KCNA2: variants seen among roughly 807,000 people sequenced by gnomAD.
The protein encoded by KCNA2 is potassium channel, voltage gated shaker related subfamily A, member 2.
KCNA2 carries 11 observed loss-of-function variants against 33.4 expected under a neutral mutation model. That is an observed-to-expected ratio of 0.33 (90% confidence interval 0.21 to 0.55). The LOEUF (loss-of-function observed/expected upper bound fraction) is 0.55, where lower values mean the gene tolerates loss of function less well. KCNA2 is among the 20% of genes least tolerant of loss of function. KCNA2 has a pLI of 0.93. For missense variants in KCNA2, 291 were observed against 621.6 expected (o/e 0.47, Z 5.66); for synonymous variants, 222 against 231.3 (o/e 0.96, Z 0.37).
In KCNA2 at chr1:110,600,630, C is replaced by A. The variant is rs556284224; in HGVS notation, c.*2653G>T. The A allele has an allele frequency of 1.7e-5, 17 of 985,208 alleles. No individual in the cohort carries two copies. Among genetic ancestry groups the A allele is most frequent in the Middle Eastern group, 5.2e-4 (1 of 1,936 alleles). 61.0% of individuals were successfully genotyped at this position (985,208 alleles called of 1,614,324 possible). A position where few individuals can be genotyped will look rare whatever the true frequency, so the allele number is the denominator to read the frequency against. ...TGACTGTATGTGAACATTTTAGAGT[C>A]CTGGGCCAAGGACACTGTGATAAGA... On this transcript the variant is annotated 3_prime_UTR_variant, in exon 3 of 3. Coordinates refer to ENST00000316361, the MANE Select transcript of KCNA2 (RefSeq NM_004974.4).
At chr1:110,609,923 T>C (rs939415632), upstream of KCNA2, among the ~76,000 whole-genome samples, 2 of 152,180 alleles carry the variant, frequency 1.3e-5, no homozygotes, top group African/African-American at 4.8e-5. Context: ...CGTTTCCTAG[T>C]TGGTCGAATG....
At chr1:110,610,766 C>T (rs1285195366), upstream of KCNA2, among the ~76,000 whole-genome samples, 1 of 152,144 alleles carries the variant, frequency 6.6e-6, no homozygotes. Context: ...CACAGGCAAT[C>T]TGGTTTAGAA....
chr1:110,619,221 T>C (rs1254076213), intron 1 of KCNA2, among the ~76,000 whole-genome samples: 1 of 151,992 alleles, frequency 6.6e-6, no homozygotes, highest in Non-Finnish European at 1.5e-5. Context: ...GCTCATGACT[T>C]GCTCTGCTTA....
rs767304308 is a variant in KCNA2, at chr1:110,604,498, C to T, written c.285G>A (p.Gly95=). The T allele has an allele frequency of 1.5e-5, 24 of 1,614,092 alleles. No homozygotes were observed. The East Asian group carries it at 2.0e-4, about 13-fold the overall frequency. ...FDAILYYYQS[G]GRLRRPVNVP... ...CATTCACAGGTCGCCTCAATCGGCC[C>T]CCTGACTGGTAGTAGTACAAAATGG... The change falls in exon 3 of 3, where the codon GGG becomes GGA. Residue 95 remains glycine, a synonymous_variant. Coordinates refer to ENST00000316361, the MANE Select transcript of KCNA2 (RefSeq NM_004974.4). This position sits in a 1 kb window ranked among gnomAD's most constrained non-coding sequence, Gnocchi z 7.6.
chr1:110,629,694 A>T (rs985377886), intron 1 of KCNA2, among the ~76,000 whole-genome samples: 1 of 152,190 alleles, frequency 6.6e-6, no homozygotes, highest in East Asian at 1.9e-4. Flanking sequence ...CCCTCGGTGG[A>T]TGACAGACAC....
intron 1 of KCNA2, among the ~76,000 whole-genome samples, chr1:110,622,667 A>G (rs1055429575): frequency 2.6e-5 from 4 of 152,192 alleles, no homozygotes; most frequent in Admixed American, 2.6e-4. Flanking sequence ...AGATCAATGT[A>G]CAAAAATCAA....
chr1:110,620,869 C>T (rs1309238960), intron 1 of KCNA2, among the ~76,000 whole-genome samples: 2 of 152,162 alleles, frequency 1.3e-5, no homozygotes, highest in Non-Finnish European at 2.9e-5. Flanking sequence ...TGCGTCTATC[C>T]ACCGTTAACA....
intron 1 of KCNA2, among the ~76,000 whole-genome samples, chr1:110,619,411 A>C (rs1443969526): frequency 6.6e-6 from 1 of 152,052 alleles, no homozygotes; most frequent in African/African-American, 2.4e-5. Flanking sequence ...ATCTGCTCCC[A>C]CTCCCAAGGG....
In KCNA2 at chr1:110,602,807, C is replaced by T; in HGVS notation, c.*476G>A. ...ATTCCAACACACAGGACTGTGTGTT[C>T]TTTTCAATGCAAAAATGAGTATGAC... On this transcript the variant is annotated 3_prime_UTR_variant, in exon 3 of 3. Coordinates refer to ENST00000316361, the MANE Select transcript of KCNA2 (RefSeq NM_004974.4). The T allele has an allele frequency of 1.0e-6, 1 of 996,960 alleles. No individual in the cohort carries two copies. 61.8% of individuals were successfully genotyped at this position (996,960 alleles called of 1,614,324 possible).
rs776562246 is a variant in KCNA2, at chr1:110,599,624, C to T, written c.*3659G>A. 1.3e-5 allele frequency: 13 copies of T among 985,438 alleles called. No individual in the cohort carries two copies. Among genetic ancestry groups the T allele is most frequent in the Non-Finnish European group, 1.6e-5 (13 of 829,944 alleles). The allele number at this position is 985,438 out of a possible 1,614,324, so 61.0% of individuals were successfully genotyped here. On this transcript the variant is annotated 3_prime_UTR_variant, in exon 3 of 3. Coordinates refer to ENST00000316361, the MANE Select transcript of KCNA2 (RefSeq NM_004974.4). Reference sequence around the variant, plus strand: ...TCTCTATAGGGTCTCAACTTCCTGACCGTGCCCCCAACAAAGCTGCAAAGG... The same window carrying T: ...TCTCTATAGGGTCTCAACTTCCTGATCGTGCCCCCAACAAAGCTGCAAAGG...
rs1649020798 is a variant in KCNA2 at position 110,594,671 on chromosome 1, C to T, written c.*8612G>A. On this transcript the variant is annotated 3_prime_UTR_variant, in exon 3 of 3. Transcript: ENST00000316361. The stretch of plus-strand genomic sequence containing the variant: ...TGAAGGAACCATCCAAGCACGACAA[C>T]AAAAGGAAACTGGGTCGCTGGATCC... The T allele has an allele frequency of 7.1e-6, 7 of 985,412 alleles. No individual in the cohort carries two copies. The highest frequency in any genetic ancestry group is 8.4e-6 in the Non-Finnish European group (7 of 829,978). 61.0% of individuals were successfully genotyped at this position (985,412 alleles called of 1,614,324 possible). A position where few individuals can be genotyped will look rare whatever the true frequency, so the allele number is the denominator to read the frequency against.
Position 110,600,246 on chromosome 1 carries a change from T to C in KCNA2, c.*3037A>G. On this transcript the variant is annotated 3_prime_UTR_variant, in exon 3 of 3. Coordinates refer to ENST00000316361, the MANE Select transcript of KCNA2 (RefSeq NM_004974.4). ...TTGGGCATGTGTGCTATGTATCTTG[T>C]ATGCCTATTATAAGTTAATGCATCG... 2.0e-6 allele frequency: 2 copies of C among 982,040 alleles called. No homozygotes were observed. Among genetic ancestry groups the C allele is most frequent in the Non-Finnish European group, 2.4e-6 (2 of 829,360 alleles). 60.8% of individuals were successfully genotyped at this position (982,040 alleles called of 1,614,324 possible).
chr1:110,617,916 A>G (rs1650120170), intron 1 of KCNA2, among the ~76,000 whole-genome samples: 1 of 152,154 alleles, frequency 6.6e-6, no homozygotes, highest in South Asian at 2.1e-4. Context: ...GGCAGATGGC[A>G]ATGCTGGCCT....
chr1:110,602,447 A>G lies in KCNA2; in HGVS notation c.*836T>C. On this transcript the variant is annotated 3_prime_UTR_variant, in exon 3 of 3. Transcript: ENST00000316361. ...CACTGGTAAATTTCACTGCAGTGTCAGTGTAGCTGGGCCACATCAGTGGGA... is the reference window on the plus strand; with the variant it reads ...CACTGGTAAATTTCACTGCAGTGTCGGTGTAGCTGGGCCACATCAGTGGGA... The G allele has an allele frequency of 7.8e-7, 1 of 1,286,154 alleles. No individual in the cohort carries two copies. The highest frequency in any genetic ancestry group is 1.5e-5 in the African/African-American group (1 of 66,914). The allele number at this position is 1,286,154 out of a possible 1,614,324, so 79.7% of individuals were successfully genotyped here. A position where few individuals can be genotyped will look rare whatever the true frequency, so the allele number is the denominator to read the frequency against.
Position 110,597,078 on chromosome 1 carries a change from C to T in KCNA2, c.*6205G>A, listed in dbSNP as rs751944845. ...CCCTGTAGACTTCTACTGAAACCCACAAGAACCTGCTTCCTTCTGCAGCTC... is the reference window on the plus strand; with the variant it reads ...CCCTGTAGACTTCTACTGAAACCCATAAGAACCTGCTTCCTTCTGCAGCTC... On this transcript the variant is annotated 3_prime_UTR_variant, in exon 3 of 3. Transcript: ENST00000316361. 9.1e-6 allele frequency: 9 copies of T among 985,478 alleles called. No individual in the cohort carries two copies. The highest frequency in any genetic ancestry group is 1.1e-5 in the Non-Finnish European group (9 of 829,956). The allele number at this position is 985,478 out of a possible 1,614,324, so 61.0% of individuals were successfully genotyped here. A position where few individuals can be genotyped will look rare whatever the true frequency, so the allele number is the denominator to read the frequency against.
At position 110,603,195 on chromosome 1, in the gene KCNA2, CA is replaced by C; in HGVS notation, c.*87del. 2 of 1,512,352 alleles carry C rather than the reference CA, an allele frequency of 1.3e-6. No homozygotes were observed. Among genetic ancestry groups the C allele is most frequent in the South Asian group, 2.8e-5 (2 of 72,670 alleles). 93.7% of individuals were successfully genotyped at this position (1,512,352 alleles called of 1,614,324 possible). A position where few individuals can be genotyped will look rare whatever the true frequency, so the allele number is the denominator to read the frequency against. ...TGCTTTCCATGCAGAACCAGATACA[CA>C]CTGTAGAACACACTGACTACAATGC... On this transcript the variant is annotated 3_prime_UTR_variant, in exon 3 of 3. Transcript: ENST00000316361. The surrounding 1 kb of genome is among the most constrained non-coding windows in gnomAD (Gnocchi z 5.7).
chr1:110,609,117 A>G (rs1334640905), upstream of KCNA2, among the ~76,000 whole-genome samples: 1 of 152,060 alleles, frequency 6.6e-6, no homozygotes, highest in Admixed American at 6.5e-5. Context: ...ACTCCTTCTG[A>G]AAGCCTCCCC....
At chr1:110,608,406 T>A (rs1046418167), upstream of KCNA2, among the ~76,000 whole-genome samples, 14 of 152,108 alleles carry the variant, frequency 9.2e-5, no homozygotes, top group Non-Finnish European at 1.9e-4. Context: ...GAGCTCTGGA[T>A]TCAGATGGGC....
Position 110,595,099 on chromosome 1 carries a change from G to A in KCNA2, c.*8184C>T, listed in dbSNP as rs573561961. ...CAGAGACTCAGAAAGACACCAGACT[G>A]AGTCCTCTGGATAGCTACCAAGGGT... On this transcript the variant is annotated 3_prime_UTR_variant, in exon 3 of 3. Transcript: ENST00000316361. 2 of 985,352 alleles carry A rather than the reference G, an allele frequency of 2.0e-6. No homozygotes were observed. The highest frequency in any genetic ancestry group is 1.1e-4 in the East Asian group (1 of 8,806). The allele number at this position is 985,352 out of a possible 1,614,324, so 61.0% of individuals were successfully genotyped here.
Sources: gnomAD v4.1 joint callset for allele counts (sites outside exome capture counted in the v4.1 genomes callset) on GRCh38, gnomAD v4.1.1 for gene constraint, Gnocchi (gnomAD v3.1) non-coding constraint, MANE v1.5 for transcripts, NCBI Gene and HGNC (gene_info 2026-07-23, HGNC 2026-07-21) for gene names.